The following ART3 variants were observed in gnomAD, a reference collection of about 807,000 sequenced individuals.
The protein encoded by ART3 is ADP-ribosyltransferase 3 (inactive).
Under a neutral mutation model 48.5 loss-of-function variants are expected in ART3, and 49 were observed. The observed-to-expected ratio is 1.01, with a 90% CI of 0.80 to 1.28. The LOEUF (loss-of-function observed/expected upper bound fraction) is 1.28. ART3 is among the 50% of genes most tolerant of loss of function. The pLI is 0.00. For missense variants in ART3, 438 were observed against 454.3 expected, an observed-to-expected ratio of 0.96 and a Z score of 0.33; for synonymous variants, 145 against 157.2, an observed-to-expected ratio of 0.92 and a Z score of 0.58.
chr4:76,102,376 C>T (rs918693974), intron 8 of ART3, among the ~76,000 whole-genome samples: 3 of 152,144 alleles, frequency 2.0e-5, no homozygotes, highest in African/African-American at 2.4e-5. Flanking sequence ...TGATGTGGAA[C>T]TTTAGCATGG....
At chr4:76,072,004 A>C (rs918844435), upstream of ART3, among the ~76,000 whole-genome samples, 2 of 151,750 alleles carry the variant, frequency 1.3e-5, no homozygotes, top group Non-Finnish European at 2.9e-5. Context: ...GTAATCTGCA[A>C]CTCCTGGGCT....
intron 1 of ART3, chr4:76,023,256 C>T: frequency 1.3e-6 from 1 of 774,952 alleles, no homozygotes; most frequent in Non-Finnish European, 2.2e-6. Context: ...TTATTTCCCT[C>T]TTATTTATAA....
chr4:76,066,097 T>C (rs915132257), intron 1 of ART3, among the ~76,000 whole-genome samples: 2 of 152,212 alleles, frequency 1.3e-5, no homozygotes, highest in Non-Finnish European at 2.9e-5. Flanking sequence ...ACTGAAACCC[T>C]AGAAAGCATT....
At chr4:76,052,007 A>G (rs1422819416) in intron 1 of ART3, among the ~76,000 whole-genome samples, 1 of 148,518 alleles carries the variant, frequency 6.7e-6, no homozygotes, top group East Asian at 2.0e-4. Flanking sequence ...CCCTGAGTTC[A>G]AGCCTTTCTC....
chr4:76,071,775 C>T (rs1720342195), upstream of ART3, among the ~76,000 whole-genome samples: 2 of 152,228 alleles, frequency 1.3e-5, no homozygotes, highest in Admixed American at 1.3e-4. Flanking sequence ...ACAACTCCAT[C>T]CTTCCAGCTA....
intron 8 of ART3, among the ~76,000 whole-genome samples, chr4:76,101,960 G>A (rs867445518): frequency 2.0e-5 from 3 of 152,168 alleles, no homozygotes; most frequent in African/African-American, 7.2e-5. Context: ...AAAGATTTGT[G>A]TACAAAAATG....
Position 76,045,266 on chromosome 4 carries a change from C to T in ART3, c.-9-30615C>T, listed in dbSNP as rs180858191. Among the ~76,000 whole-genome samples, 30 of 152,152 alleles carry T rather than the reference C, an allele frequency of 2.0e-4. No individual in the cohort carries two copies. In the East Asian group the frequency reaches 5.6e-3, roughly 28 times the overall value. ...ACTATAATTTGTTGGCAGTCATGCTCAATTGGTTCCCCATCCTCTGGGAGA... is the reference window on the plus strand; with the variant it reads ...ACTATAATTTGTTGGCAGTCATGCTTAATTGGTTCCCCATCCTCTGGGAGA... On this transcript the variant is annotated intron_variant, in intron 1 of 9. Coordinates refer to the ART3 transcript ENST00000341029.
At chr4:76,075,821 C>A in intron 1 of ART3, 60 bp from the exon 2 acceptor site, 3 of 1,313,322 alleles carry the variant, frequency 2.3e-6, no homozygotes, top group Non-Finnish European at 3.2e-6. Context: ...TCATCCTATT[C>A]TACTTCCCTA....
At chr4:76,085,496 A>G (rs1723354713) in intron 3 of ART3, among the ~76,000 whole-genome samples, 1 of 152,014 alleles carries the variant, frequency 6.6e-6, no homozygotes, top group African/African-American at 2.4e-5. Flanking sequence ...GCCTCCTTAA[A>G]TTTTCTCTAG....
chr4:76,065,929 A>G (rs966510448), intron 1 of ART3, among the ~76,000 whole-genome samples: 4 of 152,170 alleles, frequency 2.6e-5, no homozygotes, highest in Non-Finnish European at 5.9e-5. Flanking sequence ...GTCTGAAGGA[A>G]GGAAAAGGTT....
chr4:76,073,381 C>G (rs1720519430), upstream of ART3, among the ~76,000 whole-genome samples: 1 of 152,128 alleles, frequency 6.6e-6, no homozygotes, highest in South Asian at 2.1e-4. Flanking sequence ...TCTAACCAAA[C>G]TCCTGCTTTT....
chr4:76,064,924 C>T (rs1320539874), intron 1 of ART3, among the ~76,000 whole-genome samples: 1 of 151,974 alleles, frequency 6.6e-6, no homozygotes, highest in Non-Finnish European at 1.5e-5. Flanking sequence ...CTCCACCTTC[C>T]AGGTTCAAGC....
At chr4:76,027,130 G>A (rs1221405397) in intron 1 of ART3, among the ~76,000 whole-genome samples, 2 of 152,096 alleles carry the variant, frequency 1.3e-5, no homozygotes, top group African/African-American at 2.4e-5. Context: ...GTGGGCGACT[G>A]TAATCCCAGC....
At position 76,101,739 on chromosome 4, in the gene ART3, G is replaced by A. The variant is rs930634511; in HGVS notation, c.937+720G>A. On this transcript the variant is annotated intron_variant, in intron 8 of 11. Coordinates refer to ENST00000355810, the MANE Select transcript of ART3 (RefSeq NM_001130016.3). ...TGCACTCTAGCCTGGGTGACAGAGTGAGACTCCATCTTGGAAAAAAAAAAT... is the reference window on the plus strand; with the variant it reads ...TGCACTCTAGCCTGGGTGACAGAGTAAGACTCCATCTTGGAAAAAAAAAAT... 4.0e-5 allele frequency among the ~76,000 whole-genome samples: 6 copies of A among 150,466 alleles called. 1 individual carries two copies. In the South Asian group the frequency reaches 1.2e-3, roughly 31 times the overall value.
At chr4:76,081,524 T>A (rs756180233) in intron 2 of ART3, among the ~76,000 whole-genome samples, 2 of 152,220 alleles carry the variant, frequency 1.3e-5, no homozygotes, top group Non-Finnish European at 2.9e-5. Context: ...CCCATTTCTT[T>A]AGCTTCACAT....
At chr4:76,099,772 G>T (rs1184278170) in intron 5 of ART3, among the ~76,000 whole-genome samples, 1 of 152,162 alleles carries the variant, frequency 6.6e-6, no homozygotes, top group African/African-American at 2.4e-5. Context: ...TCATTTCTTT[G>T]CACATAAGTT....
rs573609878 is a variant in ART3 at position 76,012,453 on chromosome 4, G to T, written c.-10+1133G>T. On this transcript the variant is annotated intron_variant, in intron 1 of 9. Coordinates refer to the ART3 transcript ENST00000341029. ...TTCTTTTTCCCTCTCCTCTCCCCAC[G>T]CAGGGAGTCATTCCTTCCTTCCTAA... Among the ~76,000 whole-genome samples, 3 of 152,216 alleles carry T rather than the reference G, an allele frequency of 2.0e-5. No homozygotes were observed. In the East Asian group the frequency reaches 5.8e-4, roughly 29 times the overall value.
At chr4:76,049,799 G>A (rs922102887) in intron 1 of ART3, among the ~76,000 whole-genome samples, 30 of 152,140 alleles carry the variant, frequency 2.0e-4, no homozygotes, top group Non-Finnish European at 2.4e-4. Context: ...AGATGTGTCC[G>A]GAATTGGTGG....
At chr4:76,064,838 T>TC (rs1188731827) in intron 1 of ART3, among the ~76,000 whole-genome samples, 1 of 151,594 alleles carries the variant, frequency 6.6e-6, no homozygotes, top group Non-Finnish European at 1.5e-5. Flanking sequence ...GAGTAAATTT[T>TC]TTTTTTTTTT....
Sources: gnomAD v4.1 joint callset for allele counts (sites outside exome capture counted in the v4.1 genomes callset) on GRCh38, gnomAD v4.1.1 for gene constraint, MANE v1.5 for transcripts, NCBI Gene and HGNC (gene_info 2026-07-23, HGNC 2026-07-21) for gene names.